Variants in KIRREL3 observed in about 807,000 individuals in gnomAD.
The protein encoded by KIRREL3 is kirre like nephrin family adhesion molecule 3, also known as kin of IRRE-like protein 3.
In KIRREL3, 36 loss-of-function variants were observed where a neutral mutation model predicts 89.7. The observed-to-expected ratio is 0.40, with a 90% CI of 0.31 to 0.53. The LOEUF (loss-of-function observed/expected upper bound fraction) is 0.53. KIRREL3 is among the 20% of genes least tolerant of loss of function. The pLI is 0.49. For synonymous variants in KIRREL3, 445 were observed against 441.4 expected (o/e 1.01, Z -0.10); for missense variants, 864 against 1,056.6 (o/e 0.82, Z 2.53).
intron 1 of KIRREL3, among the ~76,000 whole-genome samples, chr11:126,749,734 G>A (rs1949275438): frequency 6.6e-6 from 1 of 152,140 alleles, no homozygotes; most frequent in Non-Finnish European, 1.5e-5. Flanking sequence ...ATATTAAGGG[G>A]TGGAGGTGAG....
In KIRREL3 at chr11:126,872,052, G is replaced by T. The variant is rs1398092046; in HGVS notation, c.55+128403C>A. 6.6e-6 allele frequency among the ~76,000 whole-genome samples: 1 copy of T among 152,208 alleles called. No homozygotes were observed. Among genetic ancestry groups the T allele is most frequent in the Non-Finnish European group, 1.5e-5 (1 of 68,040 alleles). ...AGCAGAGCTTGTTTTCCCAGCAGTGGTCACAACCTGGGTTGTCACCTTGCT... is the reference window on the plus strand; with the variant it reads ...AGCAGAGCTTGTTTTCCCAGCAGTGTTCACAACCTGGGTTGTCACCTTGCT... On this transcript the variant is annotated intron_variant, in intron 1 of 16. Coordinates refer to ENST00000525144, the MANE Select transcript of KIRREL3 (RefSeq NM_032531.4). The surrounding 1 kb of genome is among the most constrained non-coding windows in gnomAD (Gnocchi z 4.2).
rs568066499 is a variant in KIRREL3 at position 126,989,994 on chromosome 11, T to A, written c.55+10461A>T. ...CTGTTTGTTTTGTTTTTTCAGCATT[T>A]GCGGGGAATGACAACAGAAATATTG... On this transcript the variant is annotated intron_variant, in intron 1 of 16. Transcript: ENST00000525144. This position sits in a 1 kb window ranked among gnomAD's most constrained non-coding sequence, Gnocchi z 6.2. Among the ~76,000 whole-genome samples, 1 of 152,318 alleles carries A rather than the reference T, an allele frequency of 6.6e-6. No individual in the cohort carries two copies.
At chr11:126,711,282 A>G (rs1016994540) in intron 1 of KIRREL3, among the ~76,000 whole-genome samples, 1 of 152,240 alleles carries the variant, frequency 6.6e-6, no homozygotes, top group Non-Finnish European at 1.5e-5. Flanking sequence ...AATTCTGGAT[A>G]TAATTTATTA....
intron 1 of KIRREL3, among the ~76,000 whole-genome samples, chr11:126,774,844 G>A (rs932145858): frequency 2.6e-5 from 4 of 152,082 alleles, no homozygotes; most frequent in African/African-American, 9.7e-5. Flanking sequence ...CCTGGATCCT[G>A]CTGAGCCCAG....
intron 6 of KIRREL3, among the ~76,000 whole-genome samples, chr11:126,458,186 C>T (rs1472568901): frequency 6.6e-6 from 1 of 152,228 alleles, no homozygotes; most frequent in Non-Finnish European, 1.5e-5. Context: ...GGGTCAGTCC[C>T]CACCAACAAG....
chr11:126,684,552 T>C lies in KIRREL3; in HGVS notation c.56-121640A>G, dbSNP rs1238734802. On this transcript the variant is annotated intron_variant, in intron 1 of 16. Transcript: ENST00000525144. This position sits in a 1 kb window ranked among gnomAD's most constrained non-coding sequence, Gnocchi z 4.2. ...TCATCTGGCCGATGTGTCACTTCAGTATTCTGATGAATTTACCCTACCAGG... is the reference window on the plus strand; with the variant it reads ...TCATCTGGCCGATGTGTCACTTCAGCATTCTGATGAATTTACCCTACCAGG... 6.6e-6 allele frequency among the ~76,000 whole-genome samples: 1 copy of C among 152,228 alleles called. No individual in the cohort carries two copies. The highest frequency in any genetic ancestry group is 1.9e-4 in the East Asian group (1 of 5,196).
In KIRREL3 at chr11:126,424,573, G is replaced by A. The variant is rs1954855247; in HGVS notation, c.*7C>T. ...CCTGGCCCGTCCCCACCCGCGGTGT[G>A]TGATCCTTAGACGTGAGTCTGCATC... On this transcript the variant is annotated 3_prime_UTR_variant, in exon 17 of 17. Transcript: ENST00000525144. The A allele has an allele frequency of 6.2e-7, 1 of 1,613,032 alleles. No individual in the cohort carries two copies. Among genetic ancestry groups the A allele is most frequent in the African/African-American group, 1.3e-5 (1 of 74,926 alleles).
intron 1 of KIRREL3, among the ~76,000 whole-genome samples, chr11:126,916,532 T>C (rs1316551860): frequency 6.6e-6 from 1 of 152,150 alleles, no homozygotes; most frequent in Non-Finnish European, 1.5e-5. Context: ...AAGACACTTC[T>C]TAACATCCTC....
At chr11:126,638,390 TC>T (rs1425404559) in intron 1 of KIRREL3, among the ~76,000 whole-genome samples, 1 of 152,218 alleles carries the variant, frequency 6.6e-6, no homozygotes. Context: ...GTCAGTCCTC[TC>T]CTTAGGGCAC....
Position 126,994,073 on chromosome 11 carries a change from A to G in KIRREL3, c.55+6382T>C, listed in dbSNP as rs1309006347. ...TTATCAAAAAAAAAAAATCAGCCTC[A>G]GATAAATCTACTTTGCTTTGCCTAT... On this transcript the variant is annotated intron_variant, in intron 1 of 16. Coordinates refer to ENST00000525144, the MANE Select transcript of KIRREL3 (RefSeq NM_032531.4). The surrounding 1 kb of genome is among the most constrained non-coding windows in gnomAD (Gnocchi z 5.2). 2.6e-5 allele frequency among the ~76,000 whole-genome samples: 4 copies of G among 152,282 alleles called. No individual in the cohort carries two copies. In the East Asian group the frequency reaches 7.7e-4, roughly 29 times the overall value.
Position 126,996,203 on chromosome 11 carries a change from A to G in KIRREL3, c.55+4252T>C, listed in dbSNP as rs917559232. 1.3e-5 allele frequency among the ~76,000 whole-genome samples: 2 copies of G among 152,172 alleles called. No individual in the cohort carries two copies. Among genetic ancestry groups the G allele is most frequent in the Non-Finnish European group, 2.9e-5 (2 of 68,014 alleles). Reference sequence around the variant, plus strand: ...GGTCCCACACCCTTGGCAGCTGTGTATTGACCTTCTGGCACAAAAGAACTG... The same window carrying G: ...GGTCCCACACCCTTGGCAGCTGTGTGTTGACCTTCTGGCACAAAAGAACTG... On this transcript the variant is annotated intron_variant, in intron 1 of 16. Coordinates refer to ENST00000525144, the MANE Select transcript of KIRREL3 (RefSeq NM_032531.4). The surrounding 1 kb of genome is among the most constrained non-coding windows in gnomAD (Gnocchi z 4.7).
rs1313255670 is a variant in KIRREL3, at chr11:126,441,813, G to C, written c.1253-1264C>G. On this transcript the variant is annotated intron_variant, in intron 10 of 16. Coordinates refer to ENST00000525144, the MANE Select transcript of KIRREL3 (RefSeq NM_032531.4). This position sits in a 1 kb window ranked among gnomAD's most constrained non-coding sequence, Gnocchi z 5.0. ...AAAGGGCTCGGGGCAGCGTGAGGTG[G>C]GCGTGGGGGACCCTCCATGGCTTTA... 6.6e-6 allele frequency among the ~76,000 whole-genome samples: 1 copy of C among 152,156 alleles called. No homozygotes were observed. The highest frequency in any genetic ancestry group is 2.4e-5 in the African/African-American group (1 of 41,426).
rs1955371660 is a variant in KIRREL3, at chr11:126,437,027, A to G, written c.1354-18T>C. 1 of 1,504,884 alleles carries G rather than the reference A, an allele frequency of 6.6e-7. No individual in the cohort carries two copies. The highest frequency in any genetic ancestry group is 2.4e-5 in the East Asian group (1 of 41,172). The allele number at this position is 1,504,884 out of a possible 1,614,324, so 93.2% of individuals were successfully genotyped here. On this transcript the variant is annotated intron_variant, in intron 11 of 16. Coordinates refer to ENST00000525144, the MANE Select transcript of KIRREL3 (RefSeq NM_032531.4). ...GACCAGGCCTGCCCGGGGGCGCAGAATCAGGAGGAGACCCCACCAGAGGGG... is the reference window on the plus strand; with the variant it reads ...GACCAGGCCTGCCCGGGGGCGCAGAGTCAGGAGGAGACCCCACCAGAGGGG...
intron 1 of KIRREL3, among the ~76,000 whole-genome samples, chr11:126,968,418 A>G (rs1949337914): frequency 6.6e-6 from 1 of 152,226 alleles, no homozygotes; most frequent in South Asian, 2.1e-4. Context: ...GAGCAATTTC[A>G]ATCAATGGGT....
rs568203765 is a variant in KIRREL3, at chr11:126,521,007, G to A, written c.433+308C>T. On this transcript the variant is annotated intron_variant, in intron 4 of 16. Coordinates refer to ENST00000525144, the MANE Select transcript of KIRREL3 (RefSeq NM_032531.4). The surrounding 1 kb of genome is among the most constrained non-coding windows in gnomAD (Gnocchi z 4.1). ...GCCTAGCCTAGATAACGTGTGCAGA[G>A]CATGCTTTCTGATGGAATAAATAAG... Among the ~76,000 whole-genome samples, 11 of 152,234 alleles carry A rather than the reference G, an allele frequency of 7.2e-5. No homozygotes were observed. The highest frequency in any genetic ancestry group is 1.5e-4 in the Non-Finnish European group (10 of 68,042).
Position 126,870,216 on chromosome 11 carries a change from T to TGCCCCAGGCTCATATTCTGCCAG in KIRREL3, c.55+130216_55+130238dup, listed in dbSNP as rs1486899610. 1.2e-4 allele frequency among the ~76,000 whole-genome samples: 19 copies of TGCCCCAGGCTCATATTCTGCCAG among 152,340 alleles called. No individual in the cohort carries two copies. The highest frequency in any genetic ancestry group is 2.6e-4 in the Non-Finnish European group (18 of 68,042). ...TCACGGTCTAAAGCCACATCCTGTC[T>TGCCCCAGGCTCATATTCTGCCAG]GCCCCAGGCTCATATTCTGCCAGGG... is the stretch of plus-strand genomic sequence containing the variant. On this transcript the variant is annotated intron_variant, in intron 1 of 16. Transcript: ENST00000525144. This position sits in a 1 kb window ranked among gnomAD's most constrained non-coding sequence, Gnocchi z 4.4.
At chr11:126,828,819 A>G (rs1416226485) in intron 1 of KIRREL3, among the ~76,000 whole-genome samples, 2 of 152,194 alleles carry the variant, frequency 1.3e-5, no homozygotes, top group African/African-American at 4.8e-5. Flanking sequence ...TGTTTTTAAG[A>G]TCAGAGCTTA....
intron 1 of KIRREL3, among the ~76,000 whole-genome samples, chr11:126,711,941 C>T (rs1021850056): frequency 2.6e-5 from 4 of 152,160 alleles, no homozygotes; most frequent in African/African-American, 9.7e-5. Context: ...ACCAAAGAGC[C>T]GACACTCCAT....
chr11:126,553,881 C>CTG lies in KIRREL3; in HGVS notation c.133+8953_133+8954insCA. Reference sequence around the variant, plus strand: ...ATTAGGAAAACAGCATGCAATTCAGCTCATATGCAGACCTGTATTTACCTT... The same window carrying CTG: ...ATTAGGAAAACAGCATGCAATTCAGCTGTCATATGCAGACCTGTATTTACCTT... On this transcript the variant is annotated intron_variant, in intron 2 of 16. Coordinates refer to ENST00000525144, the MANE Select transcript of KIRREL3 (RefSeq NM_032531.4). This position sits in a 1 kb window ranked among gnomAD's most constrained non-coding sequence, Gnocchi z 4.7. 6.6e-6 allele frequency among the ~76,000 whole-genome samples: 1 copy of CTG among 152,298 alleles called. No homozygotes were observed. The highest frequency in any genetic ancestry group is 6.5e-5 in the Admixed American group (1 of 15,302).
Sources: gnomAD v4.1 joint callset for allele counts (sites outside exome capture counted in the v4.1 genomes callset) on GRCh38, gnomAD v4.1.1 for gene constraint, Gnocchi (gnomAD v3.1) non-coding constraint, MANE v1.5 for transcripts, NCBI Gene and HGNC (gene_info 2026-07-23, HGNC 2026-07-21) for gene names.